The following CLSTN1 variants were observed in gnomAD, a reference collection of about 807,000 sequenced individuals.
CLSTN1 encodes calsyntenin 1.
Under a neutral mutation model 108.3 loss-of-function variants are expected in CLSTN1, and 28 were observed. That is an observed-to-expected ratio of 0.26 (90% confidence interval 0.19 to 0.35). The LOEUF (loss-of-function observed/expected upper bound fraction) is 0.35. CLSTN1 is among the 10% of genes least tolerant of loss of function. The pLI, the probability that CLSTN1 is intolerant of heterozygous loss-of-function variation, is 1.00. For synonymous variants in CLSTN1, 524 were observed against 534.9 expected (o/e 0.98, Z 0.28); for missense variants, 1,157 against 1,302.6 (o/e 0.89, Z 1.72).
At chr1:9,737,928 T>C (rs1027705845) in intron 10 of CLSTN1, among the ~76,000 whole-genome samples, 2 of 152,174 alleles carry the variant, frequency 1.3e-5, no homozygotes, top group African/African-American at 2.4e-5. Flanking sequence ...GCTCCCGATA[T>C]AAACACCACC....
At chr1:9,773,648 C>G (rs1434736439) in intron 1 of CLSTN1, among the ~76,000 whole-genome samples, 1 of 151,514 alleles carries the variant, frequency 6.6e-6, no homozygotes, top group South Asian at 2.1e-4. Flanking sequence ...CTCTAGAAAT[C>G]AAGGGAAAAA....
At position 9,795,033 on chromosome 1, in the gene CLSTN1, A is replaced by G. The variant is rs199512101; in HGVS notation, c.92-21639T>C. 4.2e-3 allele frequency among the ~76,000 whole-genome samples: 637 copies of G among 150,294 alleles called. 42 individuals carry two copies. In the East Asian group the frequency reaches 0.046, roughly 11 times the overall value. On this transcript the variant is annotated intron_variant, in intron 1 of 18. Transcript: ENST00000377298. ...TGAAGGCTAATCAGAAAAAAAAAAA[A>G]GAAAAAAAATCAAGATTCTGTCTTT...
chr1:9,733,594 G>A (rs1650523401), intron 15 of CLSTN1, 48 bp from the exon 16 acceptor site: 7 of 1,608,272 alleles, frequency 4.4e-6, no homozygotes, highest in African/African-American at 1.3e-5. Flanking sequence ...TAGGGCAGGA[G>A]CATGGGCAGG....
At chr1:9,745,232 A>G (rs1167139703) in intron 7 of CLSTN1, among the ~76,000 whole-genome samples, 2 of 149,754 alleles carry the variant, frequency 1.3e-5, no homozygotes, top group East Asian at 3.9e-4. Flanking sequence ...CCGTCTCAAA[A>G]AAAAAAAAAA....
intron 4 of CLSTN1, among the ~76,000 whole-genome samples, chr1:9,751,925 G>T (rs1160350090): frequency 6.6e-6 from 1 of 151,102 alleles, no homozygotes; most frequent in Non-Finnish European, 1.5e-5. Context: ...CATATCCTAA[G>T]AATAAAGCAA....
intron 2 of CLSTN1, among the ~76,000 whole-genome samples, chr1:9,772,593 G>A (rs1383854635): frequency 2.0e-5 from 3 of 152,134 alleles, no homozygotes. Context: ...ACCAGTTAAG[G>A]ACCCAACGTG....
At chr1:9,796,543 A>G (rs1387611777) in intron 1 of CLSTN1, among the ~76,000 whole-genome samples, 2 of 148,826 alleles carry the variant, frequency 1.3e-5, no homozygotes, top group African/African-American at 2.5e-5. Flanking sequence ...AATTAGCCGG[A>G]CGTGGTGGCA....
chr1:9,752,735 G>A (rs1651611689), intron 4 of CLSTN1, among the ~76,000 whole-genome samples: 6 of 152,030 alleles, frequency 3.9e-5, no homozygotes, highest in Admixed American at 3.9e-4. Flanking sequence ...GGTGGAGCGT[G>A]CCTGTAATCC....
intron 1 of CLSTN1, among the ~76,000 whole-genome samples, chr1:9,808,125 C>A (rs1396135397): frequency 6.6e-6 from 1 of 152,228 alleles, no homozygotes; most frequent in Non-Finnish European, 1.5e-5. Flanking sequence ...CAGTCTACAC[C>A]TGAATCCACA....
In CLSTN1 at chr1:9,730,976, C is replaced by T; in HGVS notation, c.2748+230G>A. 1 of 633,494 alleles carries T rather than the reference C, an allele frequency of 1.6e-6. No homozygotes were observed. Among genetic ancestry groups the T allele is most frequent in the South Asian group, 1.9e-5 (1 of 51,912 alleles). 39.2% of individuals were successfully genotyped at this position (633,494 alleles called of 1,614,324 possible). On this transcript the variant is annotated intron_variant, in intron 18 of 18. Coordinates refer to ENST00000377298, the MANE Select transcript of CLSTN1 (RefSeq NM_001009566.3). The surrounding 1 kb of genome is among the most constrained non-coding windows in gnomAD (Gnocchi z 5.6). ...AGAACTCTCTCAGGATTACCATGAC[C>T]CAAGAGCGCCAAGCCCTGGCATGGC...
At chr1:9,804,233 G>C (rs1440751762) in intron 1 of CLSTN1, among the ~76,000 whole-genome samples, 1 of 151,796 alleles carries the variant, frequency 6.6e-6, no homozygotes, top group African/African-American at 2.4e-5. Flanking sequence ...CGTGGTGGCG[G>C]GCGCCTGTAG....
intron 1 of CLSTN1, among the ~76,000 whole-genome samples, chr1:9,777,304 G>T (rs1394140645): frequency 2.0e-5 from 3 of 148,750 alleles, no homozygotes; most frequent in Non-Finnish European, 4.4e-5. Context: ...CGGATCACTT[G>T]AAGTCAGGAG....
intron 1 of CLSTN1, among the ~76,000 whole-genome samples, chr1:9,812,865 A>C (rs1236817634): frequency 2.7e-5 from 4 of 150,812 alleles, no homozygotes; most frequent in Non-Finnish European, 4.4e-5. Flanking sequence ...AAAAAAAAAA[A>C]CAAACAAACC....
chr1:9,734,835 G>T lies in CLSTN1; in HGVS notation c.2110+113C>A. The T allele has an allele frequency of 1.1e-6, 1 of 880,316 alleles. No homozygotes were observed. The highest frequency in any genetic ancestry group is 1.8e-6 in the Non-Finnish European group (1 of 562,668). 54.5% of individuals were successfully genotyped at this position (880,316 alleles called of 1,614,324 possible). A position where few individuals can be genotyped will look rare whatever the true frequency, so the allele number is the denominator to read the frequency against. Reference sequence around the variant, plus strand: ...GAAGCACACCCGAGAGAACACCAACGAAAGATTAAAACCTCCCCAAATCCC... The same window carrying T: ...GAAGCACACCCGAGAGAACACCAACTAAAGATTAAAACCTCCCCAAATCCC... On this transcript the variant is annotated intron_variant, in intron 14 of 18. Transcript: ENST00000377298. The surrounding 1 kb of genome is among the most constrained non-coding windows in gnomAD (Gnocchi z 4.8).
Position 9,735,077 on chromosome 1 carries a change from G to A in CLSTN1, c.1981C>T (p.His661Tyr). 2 of 1,614,222 alleles carry A rather than the reference G, an allele frequency of 1.2e-6. No individual in the cohort carries two copies. The highest frequency in any genetic ancestry group is 8.5e-7 in the Non-Finnish European group (1 of 1,180,038). The change falls in exon 14 of 19, where the codon CAC (histidine) becomes TAC (tyrosine). Residue 661 changes from histidine to tyrosine, a missense_variant. Coordinates refer to ENST00000377298, the MANE Select transcript of CLSTN1 (RefSeq NM_001009566.3). ...TCAGAAGCTGCTCGGGCAAAATGGT[G>A]GACGCCACTCAGGCTGATCTTGGGC... Reference protein sequence around the residue: ...EEPKISLSGVHHFARAASEFE... With the variant: ...EEPKISLSGVYHFARAASEFE...
In CLSTN1 at chr1:9,733,434, A is replaced by C. The variant is rs1394454074; in HGVS notation, c.2394T>G (p.Asn798Lys). The change falls in exon 16 of 19, where the codon AAT (asparagine) becomes AAG (lysine). Residue 798 changes from asparagine to lysine, a missense_variant. Physicochemically the swap from Asn to Lys is moderately conservative, Grantham distance 94. Transcript: ENST00000377298. ...RKFKLICSELNGRYISNEFKV... is the reference protein window; with the variant it reads ...RKFKLICSELKGRYISNEFKV... The stretch of plus-strand genomic sequence containing the variant: ...TAAATTCGTTGCTGATGTAGCGGCC[A>C]TTCAGCTCTGAGCAGATGAGCTTAA... 6.2e-7 allele frequency: 1 copy of C among 1,614,098 alleles called. No individual in the cohort carries two copies. The highest frequency in any genetic ancestry group is 1.7e-5 in the Admixed American group (1 of 60,008).
At chr1:9,777,337 T>C (rs998246948) in intron 1 of CLSTN1, among the ~76,000 whole-genome samples, 2 of 150,492 alleles carry the variant, frequency 1.3e-5, no homozygotes, top group African/African-American at 4.9e-5. Context: ...CTGACCAATA[T>C]GGTAAAATCC....
At chr1:9,780,162 T>C (rs1653174069) in intron 1 of CLSTN1, among the ~76,000 whole-genome samples, 2 of 152,200 alleles carry the variant, frequency 1.3e-5, no homozygotes, top group Non-Finnish European at 2.9e-5. Flanking sequence ...GCCTCCAATC[T>C]TTCATTTTAA....
At chr1:9,788,100 C>G (rs1366740864) in intron 1 of CLSTN1, among the ~76,000 whole-genome samples, 1 of 151,288 alleles carries the variant, frequency 6.6e-6, no homozygotes, top group Non-Finnish European at 1.5e-5. Flanking sequence ...ACAAAAAATA[C>G]AAAAATTAGC....
Sources: gnomAD v4.1 joint callset for allele counts (sites outside exome capture counted in the v4.1 genomes callset) on GRCh38, gnomAD v4.1.1 for gene constraint, Gnocchi (gnomAD v3.1) non-coding constraint, MANE v1.5 for transcripts, NCBI Gene and HGNC (gene_info 2026-07-23, HGNC 2026-07-21) for gene names.